The following RYR2 variants were observed in gnomAD, a reference collection of about 807,000 sequenced individuals.
RYR2 encodes the protein ryanodine receptor 2, also known as cardiac muscle ryanodine receptor-calcium release channel.
In RYR2, 227 loss-of-function variants were observed where a neutral mutation model predicts 601.1. The ratio of observed to expected loss-of-function variants is 0.38; its 90% CI spans 0.34 to 0.42. The LOEUF is 0.42. Ranked by LOEUF, RYR2 falls within the 10% of genes least tolerant of loss-of-function variation. The pLI is 1.00. For synonymous variants in RYR2, 2,223 were observed against 2,175.1 expected (o/e 1.02, Z -0.61); for missense variants, 4,646 against 6,156.5 (o/e 0.75, Z 8.21).
intron 16 of RYR2, among the ~76,000 whole-genome samples, chr1:237,460,949 A>C (rs1659409479): frequency 6.6e-6 from 1 of 152,156 alleles, no homozygotes; most frequent in Admixed American, 6.5e-5. Flanking sequence ...TAACATAGTA[A>C]AACTTTTGTC....
chr1:237,128,655 A>G (rs1488848385), intron 1 of RYR2, among the ~76,000 whole-genome samples: 4 of 152,260 alleles, frequency 2.6e-5, no homozygotes, highest in Admixed American at 2.6e-4. Context: ...TCTCAGTTAC[A>G]TTTTAGTAAG....
Position 237,550,740 on chromosome 1 carries a change from G to A in RYR2, c.3214+49G>A, listed in dbSNP as rs1670306769. On this transcript the variant is annotated intron_variant, in intron 27 of 104. Coordinates refer to ENST00000366574, the MANE Select transcript of RYR2 (RefSeq NM_001035.3). ...TCTTCGGTTGCAAGATGATGTAGTA[G>A]TTCTTTAAAGCCAAATAAATGAATA... The A allele has an allele frequency of 2.0e-6, 3 of 1,506,906 alleles. No individual in the cohort carries two copies. The Admixed American group carries it at 6.6e-5, about 33-fold the overall frequency. The allele number at this position is 1,506,906 out of a possible 1,614,324, so 93.3% of individuals were successfully genotyped here. A position where few individuals can be genotyped will look rare whatever the true frequency, so the allele number is the denominator to read the frequency against.
chr1:237,592,586 C>T (rs959816245), intron 32 of RYR2, among the ~76,000 whole-genome samples: 4 of 148,430 alleles, frequency 2.7e-5, no homozygotes, highest in East Asian at 2.0e-4. Flanking sequence ...TGAGCCGACA[C>T]GGTGTCACTG....
chr1:237,569,261 A>T lies in RYR2; in HGVS notation c.3540A>T (p.Glu1180Asp). Residue 1180 changes from glutamate to aspartate, a missense_variant, in exon 29 of 105, where the codon GAA becomes GAT. By Grantham distance (45) the Glu-to-Asp change is conservative (BLOSUM62 2). Around this residue, in one of 17 missense-constraint regions of RYR2, gnomAD observed 1,807 missense variants for 2,088.1 expected, o/e 0.87. Transcript: ENST00000366574. ...CCATGATGTTCACACTGAATGGTGAAATCCTTCTTGATGATTCAGGCTCAG... is the reference window on the plus strand; with the variant it reads ...CCATGATGTTCACACTGAATGGTGATATCCTTCTTGATGATTCAGGCTCAG... ...EHTMMFTLNG[E>D]ILLDDSGSEL... is the part of the protein sequence containing the mutation. 6.2e-7 allele frequency: 1 copy of T among 1,613,928 alleles called. No individual in the cohort carries two copies. The highest frequency in any genetic ancestry group is 8.5e-7 in the Non-Finnish European group (1 of 1,179,864).
rs575890875 is a variant in RYR2 at position 237,632,914 on chromosome 1, G to A, written c.6556-664G>A. Among the ~76,000 whole-genome samples, 219 of 152,204 alleles carry A rather than the reference G, an allele frequency of 1.4e-3. 2 individuals carry two copies. Among genetic ancestry groups the A allele is most frequent in the African/African-American group, 4.9e-3 (204 of 41,526 alleles). ...GTTTACCAGTTAGACAGGCTTAGAA[G>A]GATATCATAATATACTGTACTTTAT... is the stretch of plus-strand genomic sequence containing the variant. On this transcript the variant is annotated intron_variant, in intron 42 of 104. Transcript: ENST00000366574.
chr1:237,829,238 T>C (rs1394147284), intron 102 of RYR2, among the ~76,000 whole-genome samples: 1 of 152,216 alleles, frequency 6.6e-6, no homozygotes, highest in Non-Finnish European at 1.5e-5. Flanking sequence ...TTTAAAAAGA[T>C]AACTATGGTT....
rs533634949 is a variant in RYR2 at position 237,635,332 on chromosome 1, C to A, written c.6792+340C>A. ...CATTTTTCTATGGAAGGAGAACCAA[C>A]GTTCTGTATCTGTATTCTTATGTGT... On this transcript the variant is annotated intron_variant, in intron 44 of 104. Coordinates refer to ENST00000366574, the MANE Select transcript of RYR2 (RefSeq NM_001035.3). 1.2e-3 allele frequency among the ~76,000 whole-genome samples: 187 copies of A among 152,210 alleles called. 1 individual carries two copies. The highest frequency in any genetic ancestry group is 3.1e-3 in the African/African-American group (127 of 41,536).
intron 1 of RYR2, among the ~76,000 whole-genome samples, chr1:237,064,507 A>G (rs1403631729): frequency 6.6e-6 from 1 of 152,006 alleles, no homozygotes; most frequent in Non-Finnish European, 1.5e-5. Flanking sequence ...TCTGGCAAAA[A>G]TGGTATTTTT....
chr1:237,705,073 A>G (rs1478121006), intron 66 of RYR2, 140 bp from the exon 67 acceptor site: 5 of 685,422 alleles, frequency 7.3e-6, no homozygotes, highest in Non-Finnish European at 1.2e-5. Context: ...GATGTTTAGC[A>G]ATACAGAAAT....
At chr1:237,461,516 C>A (rs114272851) in intron 16 of RYR2, among the ~76,000 whole-genome samples, 10 of 152,032 alleles carry the variant, frequency 6.6e-5, no homozygotes, top group Non-Finnish European at 1.5e-4. Flanking sequence ...ATTCTTGGTC[C>A]GGTCTGTCCC....
intron 74 of RYR2, among the ~76,000 whole-genome samples, chr1:237,724,802 TC>T (rs1317330291): frequency 6.6e-6 from 1 of 152,082 alleles, no homozygotes; most frequent in African/African-American, 2.4e-5. Context: ...TTTTAATTCT[TC>T]CTAGTGTTTA....
intron 3 of RYR2, among the ~76,000 whole-genome samples, chr1:237,343,818 T>C (rs1698046915): frequency 6.6e-6 from 1 of 151,074 alleles, no homozygotes; most frequent in Admixed American, 6.6e-5. Flanking sequence ...TAAGAGGTTT[T>C]TTGTTTTTTT....
intron 1 of RYR2, among the ~76,000 whole-genome samples, chr1:237,248,267 A>ACCCCCCCC (rs34669763): frequency 1.7e-5 from 1 of 57,354 alleles, no homozygotes; most frequent in Non-Finnish European, 3.2e-5. Context: ...GCAAGACTCC[A>ACCCCCCCC]CCCCCCGCAA....
rs775185381 is a variant in RYR2 at position 237,614,387 on chromosome 1, C to G, written c.5259C>G (p.Leu1753=). The G allele has an allele frequency of 6.2e-7, 1 of 1,614,028 alleles. No homozygotes were observed. Among genetic ancestry groups the G allele is most frequent in the Admixed American group, 1.7e-5 (1 of 60,028 alleles). The change falls in exon 37 of 105, where the codon CTC becomes CTG. Residue 1753 remains leucine (L), a synonymous_variant. Coordinates refer to ENST00000366574, the MANE Select transcript of RYR2 (RefSeq NM_001035.3). This position sits in a 1 kb window ranked among gnomAD's most constrained non-coding sequence, Gnocchi z 4.3. ...AACACGGCCTTCCAGGGATCGGCCT[C>G]AGCACCTCCCTCAGGCCACGGATGC... ...NKKHGLPGIG[L]STSLRPRMQF...
At chr1:237,804,162 G>A (rs1047888708) in intron 98 of RYR2, among the ~76,000 whole-genome samples, 3 of 151,868 alleles carry the variant, frequency 2.0e-5, no homozygotes, top group African/African-American at 4.8e-5. Flanking sequence ...TACTGCAGTG[G>A]CACTCAAGTT....
intron 2 of RYR2, among the ~76,000 whole-genome samples, chr1:237,309,176 C>A (rs1418765967): frequency 7.0e-6 from 1 of 143,606 alleles, no homozygotes; most frequent in Non-Finnish European, 1.5e-5. Context: ...CTGATTGGTG[C>A]ATTTACAAAC....
At chr1:237,778,852 T>C (rs1694872598) in intron 88 of RYR2, 82 bp downstream of exon 88, 1 of 689,154 alleles carries the variant, frequency 1.5e-6, no homozygotes, top group Non-Finnish European at 2.7e-6. Context: ...TGCTTTTTGA[T>C]GTTAGAATAT....
At chr1:237,800,357 CT>C (rs552015971) in intron 97 of RYR2, among the ~76,000 whole-genome samples, 2 of 151,710 alleles carry the variant, frequency 1.3e-5, no homozygotes, top group African/African-American at 4.8e-5. Context: ...ATTTGTGGCA[CT>C]TTTTTTAAAG....
chr1:237,627,079 A>G (rs571319172), intron 40 of RYR2, among the ~76,000 whole-genome samples: 9 of 152,220 alleles, frequency 5.9e-5, no homozygotes, highest in Non-Finnish European at 1.2e-4. Context: ...GTCAGCCAGC[A>G]TATTAATACT....
Sources: gnomAD v4.1 joint callset for allele counts (sites outside exome capture counted in the v4.1 genomes callset) on GRCh38, gnomAD v4.1.1 for gene constraint, gnomAD v4.1.1 regional missense constraint, Gnocchi (gnomAD v3.1) non-coding constraint, MANE v1.5 for transcripts, NCBI Gene and HGNC (gene_info 2026-07-23, HGNC 2026-07-21) for gene names.